The following ERBB3 variants were observed in gnomAD, a reference collection of about 807,000 sequenced individuals.
ERBB3 encodes receptor tyrosine-protein kinase erbB-3.
ERBB3 carries 96 observed loss-of-function variants against 156.7 expected under a neutral mutation model. The observed-to-expected ratio is 0.61, with a 90% confidence interval of 0.52 to 0.73. The LOEUF is 0.73. Ranked by LOEUF, ERBB3 falls within the 30% of genes least tolerant of loss-of-function variation. The pLI is 0.00. For missense variants in ERBB3, 1,406 were observed against 1,709.4 expected (o/e 0.82, Z 3.13); for synonymous variants, 567 against 632.0 (o/e 0.90, Z 1.54).
chr12:56,095,480 A>G, intron 16 of ERBB3, 170 bp downstream of exon 16: 1 of 903,016 alleles, frequency 1.1e-6, no homozygotes. Flanking sequence ...TTCCCTTCCT[A>G]AAATTAACTT....
At chr12:56,096,343 T>C (rs1415056007) in intron 17 of ERBB3, 160 bp from the exon 18 acceptor site, 1 of 832,606 alleles carries the variant, frequency 1.2e-6, no homozygotes, top group Non-Finnish European at 2.0e-6. Context: ...GTTCTCAGGG[T>C]CTGTACCTCA....
intron 26 of ERBB3, 108 bp from the exon 27 acceptor site, chr12:56,100,939 CAAAAAAAAAAAAAA>C: frequency 3.3e-6 from 1 of 300,946 alleles, no homozygotes; most frequent in South Asian, 2.2e-5. Flanking sequence ...GACTCCACCT[CAAAAAAAAAAAAAA>C]AAAAAAAAAA....
intron 9 of ERBB3, 93 bp downstream of exon 9, chr12:56,088,961 A>AG (rs751111371): frequency 6.6e-7 from 1 of 1,515,202 alleles, no homozygotes; most frequent in Non-Finnish European, 9.2e-7. Flanking sequence ...GGAGCTGACT[A>AG]GGAATCAAAG....
At position 56,101,304 on chromosome 12, in the gene ERBB3, C is replaced by T. The variant is rs769768196; in HGVS notation, c.3445C>T (p.Pro1149Ser). The T allele has an allele frequency of 1.2e-6, 2 of 1,614,090 alleles. No homozygotes were observed. The highest frequency in any genetic ancestry group is 2.7e-5 in the African/African-American group (2 of 74,932). The change falls in exon 27 of 28, where the codon CCC becomes TCC. Residue 1149 changes from proline to serine, a missense_variant. By Grantham distance (74) the Pro-to-Ser change is moderately conservative. This residue lies in a region of ERBB3 where 415 missense variants were observed against 454.1 expected (regional missense o/e 0.91). Transcript: ENST00000267101. ...LLTPVTPLSP[P>S]GLEEEDVNGY... ...GACTCCTGTTACCCCACTCTCCCCA[C>T]CCGGGTTAGAGGAAGAGGATGTCAA...
Position 56,102,728 on chromosome 12 carries a change from G to C in ERBB3, c.*673G>C. The C allele has an allele frequency of 4.6e-6, 1 of 219,400 alleles. No individual in the cohort carries two copies. The highest frequency in any genetic ancestry group is 9.1e-6 in the Non-Finnish European group (1 of 110,494). The allele number at this position is 219,400 out of a possible 1,614,324, so 13.6% of individuals were successfully genotyped here. Reference sequence around the variant, plus strand: ...TCATGCCTGTAATCTCAGCACTTTGGGAGGCTGAGGCAGAAGGATTACCTG... The same window carrying C: ...TCATGCCTGTAATCTCAGCACTTTGCGAGGCTGAGGCAGAAGGATTACCTG... On this transcript the variant is annotated 3_prime_UTR_variant, in exon 28 of 28. Transcript: ENST00000267101.
At chr12:56,100,151 T>G (rs374869935) in intron 25 of ERBB3, 23 bp from the exon 26 acceptor site, 1 of 1,608,290 alleles carries the variant, frequency 6.2e-7, no homozygotes, top group African/African-American at 1.3e-5. Flanking sequence ...CATCTTAACC[T>G]TTTCCTTATT....
In ERBB3 at chr12:56,086,607, C is replaced by CGTGAGGGACCGAGATGCTGAGATAGTG. The variant is rs1190117857; in HGVS notation, c.503_529dup (p.Arg168_Val176dup). ...TGGACACAATTGACTGGAGGGACAT[C>CGTGAGGGACCGAGATGCTGAGATAGTG]GTGAGGGACCGAGATGCTGAGATAG... On this transcript the variant is annotated inframe_insertion, in exon 4 of 28. Coordinates refer to ENST00000267101, the MANE Select transcript of ERBB3 (RefSeq NM_001982.4). 2.5e-6 allele frequency: 4 copies of CGTGAGGGACCGAGATGCTGAGATAGTG among 1,614,096 alleles called. No homozygotes were observed. Among genetic ancestry groups the CGTGAGGGACCGAGATGCTGAGATAGTG allele is most frequent in the Non-Finnish European group, 3.4e-6 (4 of 1,179,978 alleles).
In ERBB3 at chr12:56,101,348, T is replaced by C. The variant is rs377479457; in HGVS notation, c.3489T>C (p.Asp1163=). Residue 1163 remains aspartate (D), a synonymous_variant, in exon 27 of 28, where the codon GAT becomes GAC. Transcript: ENST00000267101. Reference sequence around the variant, plus strand: ...ATGTCAACGGTTATGTCATGCCAGATACACACCTCAAAGGTGCCTGACTCT... The same window carrying C: ...ATGTCAACGGTTATGTCATGCCAGACACACACCTCAAAGGTGCCTGACTCT... ...EEDVNGYVMP[D]THLKGTPSSR... 55 of 1,614,088 alleles carry C rather than the reference T, an allele frequency of 3.4e-5. No individual in the cohort carries two copies. Among genetic ancestry groups the C allele is most frequent in the Non-Finnish European group, 4.4e-5 (52 of 1,180,024 alleles).
rs181659329 is a variant in ERBB3 at position 56,096,522 on chromosome 12, C to A, written c.2075C>A (p.Pro692His). ...ERGESIEPLD[P>H]SEKANKVLAR... ...CCTCAGAGCATAGAGCCTCTGGACC[C>A]CAGTGAGAAGGCTAACAAAGTCTTG... is the stretch of plus-strand genomic sequence containing the variant. The change falls in exon 18 of 28, where the codon CCC (proline) becomes CAC (histidine). Residue 692 changes from proline (P) to histidine (H), a missense_variant. Pro to His is a moderately conservative substitution (Grantham distance 77). Transcript: ENST00000267101. The A allele has an allele frequency of 6.2e-7, 1 of 1,614,126 alleles. No individual in the cohort carries two copies. The highest frequency in any genetic ancestry group is 1.3e-5 in the African/African-American group (1 of 75,026).
At chr12:56,084,270 G>A (rs1200622901) in intron 2 of ERBB3, among the ~76,000 whole-genome samples, 1 of 152,120 alleles carries the variant, frequency 6.6e-6, no homozygotes, top group Non-Finnish European at 1.5e-5. Flanking sequence ...TCCCAGAAGT[G>A]ACACAGCAGT....
Position 56,080,254 on chromosome 12 carries a change from G to C in ERBB3, c.-47G>C, listed in dbSNP as rs1565854461. Reference sequence around the variant, plus strand: ...CTTGCCTCGATGTCCTAGCCTAGGGGCCCCCGGGCCGGACTTGGCTGGGCT... The same window carrying C: ...CTTGCCTCGATGTCCTAGCCTAGGGCCCCCCGGGCCGGACTTGGCTGGGCT... On this transcript the variant is annotated 5_prime_UTR_variant, in exon 1 of 28. Coordinates refer to ENST00000267101, the MANE Select transcript of ERBB3 (RefSeq NM_001982.4). 2 of 1,475,966 alleles carry C rather than the reference G, an allele frequency of 1.4e-6. No homozygotes were observed. Among genetic ancestry groups the C allele is most frequent in the African/African-American group, 2.8e-5 (2 of 71,808 alleles). 91.4% of individuals were successfully genotyped at this position (1,475,966 alleles called of 1,614,324 possible). A position where few individuals can be genotyped will look rare whatever the true frequency, so the allele number is the denominator to read the frequency against.
chr12:56,099,807 G>A (rs370581727), intron 24 of ERBB3, 31 bp from the exon 25 acceptor site: 15 of 1,613,328 alleles, frequency 9.3e-6, no homozygotes, highest in Non-Finnish European at 1.2e-5. Flanking sequence ...CTGGAACCAG[G>A]ATTCCCCCTA....
intron 22 of ERBB3, 60 bp downstream of exon 22, chr12:56,098,635 G>A (rs753989381): frequency 8.2e-6 from 13 of 1,581,560 alleles, no homozygotes; most frequent in Middle Eastern, 1.7e-4. Flanking sequence ...TTTACCTTTT[G>A]AGACCCCCTC....
At chr12:56,095,869 A>G in intron 17 of ERBB3, 63 bp downstream of exon 17, 2 of 1,591,818 alleles carry the variant, frequency 1.3e-6, no homozygotes, top group Non-Finnish European at 8.6e-7. Flanking sequence ...AAGTCTCTTT[A>G]TAGCTTAATT....
rs751738224 is a variant in ERBB3 at position 56,099,918 on chromosome 12, GCCAGAACTAGAC to G, written c.3020_3031del (p.Pro1007_Asp1010del). The G allele has an allele frequency of 1.2e-6, 2 of 1,614,226 alleles. No homozygotes were observed. The highest frequency in any genetic ancestry group is 3.3e-5 in the Admixed American group (2 of 60,030). ...AGAAGCTAGAGGAAGTAGAGCTGGA[GCCAGAACTAGAC>G]CTAGACCTAGACTTGGAAGCAGAGG... On this transcript the variant is annotated inframe_deletion, in exon 25 of 28. Transcript: ENST00000267101.
intron 4 of ERBB3, 26 bp downstream of exon 4, chr12:56,086,682 C>G: frequency 6.2e-7 from 1 of 1,613,518 alleles, no homozygotes; most frequent in Non-Finnish European, 8.5e-7. Context: ...CAAGATTGCT[C>G]CCCAGTCCCA....
rs1373712175 is a variant in ERBB3 at position 56,101,093 on chromosome 12, C to T, written c.3234C>T (p.Cys1078=). The T allele has an allele frequency of 4.3e-6, 7 of 1,614,002 alleles. No homozygotes were observed. Among genetic ancestry groups the T allele is most frequent in the South Asian group, 3.3e-5 (3 of 91,078 alleles). Reference sequence around the variant, plus strand: ...CAGTTTCTGGGAGCAGTGAACGGTGCCCCCGTCCAGTCTCTCTACACCCAA... The same window carrying T: ...CAGTTTCTGGGAGCAGTGAACGGTGTCCCCGTCCAGTCTCTCTACACCCAA... ...ESAVSGSSER[C]PRPVSLHPMP... Residue 1078 remains cysteine (C), a synonymous_variant, in exon 27 of 28, where the codon TGC becomes TGT. Transcript: ENST00000267101.
intron 1 of ERBB3, among the ~76,000 whole-genome samples, chr12:56,082,251 C>G (rs1868362169): frequency 6.6e-6 from 1 of 152,188 alleles, no homozygotes; most frequent in Non-Finnish European, 1.5e-5. Flanking sequence ...TGTGCCCACA[C>G]TACTACTTCC....
rs1555212773 is a variant in ERBB3, at chr12:56,102,830, A to AAAC, written c.*777_*778insCAA. ...TTAAAAAAAAAAAAAAAAAAAAAAA[A>AAAC]AAAACTTTAGAACTGGGTGCAGTGG... On this transcript the variant is annotated 3_prime_UTR_variant, in exon 28 of 28. Coordinates refer to ENST00000267101, the MANE Select transcript of ERBB3 (RefSeq NM_001982.4). The AAAC allele has an allele frequency of 1.9e-5, 4 of 215,584 alleles. No homozygotes were observed. The highest frequency in any genetic ancestry group is 6.7e-5 in the East Asian group (1 of 14,992). 13.4% of individuals were successfully genotyped at this position (215,584 alleles called of 1,614,324 possible).
Sources: allele counts gnomAD v4.1 joint callset (sites outside exome capture counted in the v4.1 genomes callset), GRCh38; gene constraint gnomAD v4.1.1; regional missense constraint gnomAD v4.1.1; transcripts MANE v1.5; gene names NCBI Gene and HGNC (gene_info 2026-07-23, HGNC 2026-07-21).